Variants in PSMA6 observed in about 807,000 individuals in gnomAD.
PSMA6 encodes proteasome 20S subunit alpha 6, also known as proteasome subunit alpha type-6.
For missense variants in PSMA6, 170 were observed against 294.8 expected (o/e 0.58, Z 3.10); for synonymous variants, 88 against 97.7 (o/e 0.90, Z 0.59).
At chr14:35,299,888 A>G (rs2051677876) in intron 1 of PSMA6, among the ~76,000 whole-genome samples, 1 of 152,198 alleles carries the variant, frequency 6.6e-6, no homozygotes, top group Non-Finnish European at 1.5e-5. Context: ...TAAAAAAGGT[A>G]TTACAGGAAG....
At chr14:35,314,946 G>GGTGTGTGTGTGT in intron 6 of PSMA6, 1 of 55,830 alleles carries the variant, frequency 1.8e-5, no homozygotes, top group African/African-American at 9.5e-5. Flanking sequence ...GCAGTTGCTG[G>GGTGTGTGTGTGT]ATGTGTGTGT....
intron 1 of PSMA6, among the ~76,000 whole-genome samples, chr14:35,307,447 A>C (rs541435684): frequency 1.3e-5 from 2 of 152,178 alleles, no homozygotes; most frequent in African/African-American, 4.8e-5. Flanking sequence ...TTAAACCATT[A>C]TTGGGGCGGG....
At chr14:35,282,774 G>T (rs997440398) in intron 1 of PSMA6, among the ~76,000 whole-genome samples, 23 of 151,912 alleles carry the variant, frequency 1.5e-4, no homozygotes, top group African/African-American at 5.3e-4. Flanking sequence ...AGGATTGCTT[G>T]AGCCTGGGAG....
At chr14:35,305,635 GACTCAGTGCCCAGAGTGAC>G (rs1409745424) in intron 1 of PSMA6, among the ~76,000 whole-genome samples, 3 of 152,226 alleles carry the variant, frequency 2.0e-5, no homozygotes, top group Non-Finnish European at 4.4e-5. Context: ...CCTTGGCTCA[GACTCAGTGCCCAGAGTGAC>G]ACTCGAAGAC....
chr14:35,309,253 TTA>T lies in PSMA6; in HGVS notation c.253+260_253+261del, dbSNP rs577464864. On this transcript the variant is annotated intron_variant, in intron 3 of 6. Coordinates refer to ENST00000261479, the MANE Select transcript of PSMA6 (RefSeq NM_002791.3). ...GCTGAGGGCCCTTTCATAGATGATT[TTA>T]TCTTATTTCAGCTATAGTTAGTAGT... Among the ~76,000 whole-genome samples the T allele has an allele frequency of 1.0e-3, 156 of 152,344 alleles. 5 individuals carry two copies. In the South Asian group the frequency reaches 0.031, roughly 31 times the overall value.
chr14:35,314,201 G>A (rs2138758557), intron 5 of PSMA6, 160 bp from the exon 6 acceptor site: 1 of 752,326 alleles, frequency 1.3e-6, no homozygotes, highest in East Asian at 4.1e-5. Context: ...CTCATCATTG[G>A]GAGGCAATAC....
intron 1 of PSMA6, among the ~76,000 whole-genome samples, chr14:35,287,338 A>G (rs940728475): frequency 6.6e-6 from 1 of 152,160 alleles, no homozygotes; most frequent in African/African-American, 2.4e-5. Context: ...ATACTCCTCT[A>G]AGATGCTGTA....
rs777465365 is a variant in PSMA6, at chr14:35,292,563, C to G, written c.76+11C>G. 10 of 1,612,828 alleles carry G rather than the reference C, an allele frequency of 6.2e-6. No homozygotes were observed. In the East Asian group the frequency reaches 2.2e-4, roughly 36 times the overall value. ...GGCTCTACCAAGTAGGTGAGTGAACCAGGTTCGCCTGTGGGCCACCTGAAT... is the reference window on the plus strand; with the variant it reads ...GGCTCTACCAAGTAGGTGAGTGAACGAGGTTCGCCTGTGGGCCACCTGAAT... On this transcript the variant is annotated intron_variant, in intron 1 of 6. Transcript: ENST00000261479.
chr14:35,299,327 C>CTTTTGTTTTTTTTTTTTTT (rs2051663309), intron 1 of PSMA6, among the ~76,000 whole-genome samples: 1 of 66,008 alleles, frequency 1.5e-5, no homozygotes, highest in Non-Finnish European at 2.8e-5. Flanking sequence ...TGCCCAGCCT[C>CTTTTGTTTTTTTTTTTTTT]TTTTTTTTTT....
chr14:35,312,276 G>T (rs954703043), intron 4 of PSMA6, among the ~76,000 whole-genome samples: 1 of 151,566 alleles, frequency 6.6e-6, no homozygotes, highest in Non-Finnish European at 1.5e-5. Flanking sequence ...GGAGGACGAG[G>T]CAGGTGGATC....
chr14:35,297,809 G>A (rs2051628178), intron 1 of PSMA6, among the ~76,000 whole-genome samples: 1 of 152,166 alleles, frequency 6.6e-6, no homozygotes, highest in African/African-American at 2.4e-5. Flanking sequence ...TGCCTGTCCT[G>A]AACATTTTGC....
intron 1 of PSMA6, among the ~76,000 whole-genome samples, chr14:35,306,124 G>A (rs2051822230): frequency 6.6e-6 from 1 of 152,092 alleles, no homozygotes; most frequent in Non-Finnish European, 1.5e-5. Flanking sequence ...AGCTACTCAG[G>A]AGGCTGAGGC....
At chr14:35,285,056 A>C (rs1039310957) in intron 1 of PSMA6, among the ~76,000 whole-genome samples, 3 of 152,210 alleles carry the variant, frequency 2.0e-5, no homozygotes, top group Non-Finnish European at 4.4e-5. Flanking sequence ...AAAAGCAAGT[A>C]GAAAATAAAA....
At chr14:35,288,211 T>C (rs1374397295), upstream of PSMA6, among the ~76,000 whole-genome samples, 2 of 152,228 alleles carry the variant, frequency 1.3e-5, no homozygotes, top group African/African-American at 4.8e-5. Flanking sequence ...AAAACAGATG[T>C]GGCTAGTTGG....
chr14:35,314,736 A>T, intron 6 of PSMA6: 1 of 186,500 alleles, frequency 5.4e-6, no homozygotes, highest in Non-Finnish European at 1.0e-5. Flanking sequence ...AATTAGCATA[A>T]GTGTTTTCTT....
Position 35,314,736 on chromosome 14 carries a change from AGT to A in PSMA6, c.683+284_683+285del, listed in dbSNP as rs375472971. ...TTATGTAAGGAAAAAAATTAGCATA[AGT>A]GTTTTCTTTTTTTTAGTTTAAGGCC... On this transcript the variant is annotated intron_variant, in intron 6 of 6. Transcript: ENST00000261479. 9.4e-4 allele frequency: 175 copies of A among 186,500 alleles called. 2 individuals are homozygous for A. The highest frequency in any genetic ancestry group is 3.8e-3 in the African/African-American group (161 of 42,292). The allele number at this position is 186,500 out of a possible 1,614,324, so 11.6% of individuals were successfully genotyped here. A position where few individuals can be genotyped will look rare whatever the true frequency, so the allele number is the denominator to read the frequency against.
At chr14:35,285,339 C>CAAAAAAAAAAAAAAAAA (rs758651038) in intron 1 of PSMA6, among the ~76,000 whole-genome samples, 1 of 54,564 alleles carries the variant, frequency 1.8e-5, no homozygotes, top group African/African-American at 4.8e-5. Flanking sequence ...AACTCTATCT[C>CAAAAAAAAAAAAAAAAA]AAAAAAAACA....
rs1198033538 is a variant in PSMA6 at position 35,282,233 on chromosome 14, G to GTAATT, written c.19+3522_19+3526dup. On this transcript the variant is annotated intron_variant, in intron 1 of 6. Coordinates refer to the PSMA6 transcript ENST00000540871. Reference sequence around the variant, plus strand: ...AAAATAAGGGAAGAAGTAAATAACTGTAATTTAATTTTTTATTTTTTGAGA... The same window carrying GTAATT: ...AAAATAAGGGAAGAAGTAAATAACTGTAATTTAATTTAATTTTTTATTTTTTGAGA... Among the ~76,000 whole-genome samples, 7 of 152,246 alleles carry GTAATT rather than the reference G, an allele frequency of 4.6e-5. No individual in the cohort carries two copies. The South Asian group carries it at 1.0e-3, about 23-fold the overall frequency.
At chr14:35,292,248 C>A, upstream of PSMA6, 1 of 1,307,724 alleles carries the variant, frequency 7.6e-7, no homozygotes, top group Non-Finnish European at 9.9e-7. Flanking sequence ...TTGGCGCAGG[C>A]GCATACCTTC....
Sources: gnomAD v4.1 joint callset for allele counts (sites outside exome capture counted in the v4.1 genomes callset) on GRCh38, gnomAD v4.1.1 for gene constraint, MANE v1.5 for transcripts, NCBI Gene and HGNC (gene_info 2026-07-23, HGNC 2026-07-21) for gene names.